SYBU: variants seen among roughly 807,000 people sequenced by gnomAD.
The protein encoded by SYBU is syntabulin.
Under a neutral mutation model 35.9 loss-of-function variants are expected in SYBU, and 21 were observed. The observed-to-expected ratio is 0.58, with a 90% CI of 0.41 to 0.84. The LOEUF (loss-of-function observed/expected upper bound fraction) is 0.84, where lower values mean the gene tolerates loss of function less well. Among genes scored for constraint, SYBU ranks in the 40% least tolerant of loss-of-function variants. The pLI is 0.00. For missense variants in SYBU, 768 were observed against 848.2 expected (o/e 0.91, Z 1.17); for synonymous variants, 319 against 324.3 (o/e 0.98, Z 0.18).
intron 1 of SYBU, among the ~76,000 whole-genome samples, chr8:109,673,714 G>A (rs903478268): frequency 6.6e-6 from 1 of 152,162 alleles, no homozygotes; most frequent in African/African-American, 2.4e-5. Context: ...GCTTCAGAAG[G>A]TGGGTAATGA....
chr8:109,677,742 G>A (rs1400128294), intron 1 of SYBU, among the ~76,000 whole-genome samples: 1 of 152,156 alleles, frequency 6.6e-6, no homozygotes, highest in Non-Finnish European at 1.5e-5. Flanking sequence ...TGAGCAAACT[G>A]GCTGGAGTGA....
chr8:109,687,796 G>A (rs1817554220), intron 1 of SYBU, among the ~76,000 whole-genome samples: 1 of 151,954 alleles, frequency 6.6e-6, no homozygotes, highest in Non-Finnish European at 1.5e-5. Context: ...TTTTTGGTTG[G>A]GTGACAGTAG....
intron 1 of SYBU, chr8:109,644,322 C>A: frequency 1.7e-6 from 1 of 576,274 alleles, no homozygotes; most frequent in South Asian, 1.7e-5. Context: ...GCGGATGCAT[C>A]AAATTCCTTT....
chr8:109,667,186 G>C (rs1466177715), intron 1 of SYBU, among the ~76,000 whole-genome samples: 1 of 151,366 alleles, frequency 6.6e-6, no homozygotes, highest in Non-Finnish European at 1.5e-5. Flanking sequence ...GTGTGATCTC[G>C]GCTCACTGAA....
At chr8:109,580,024 T>C in intron 4 of SYBU, 22 bp from the exon 5 acceptor site, 1 of 1,608,702 alleles carries the variant, frequency 6.2e-7, no homozygotes, top group South Asian at 1.1e-5. Flanking sequence ...GAATGAAAAA[T>C]GTTAAAATTC....
chr8:109,629,038 C>T (rs749405856), intron 2 of SYBU, among the ~76,000 whole-genome samples: 3 of 151,892 alleles, frequency 2.0e-5, no homozygotes, highest in Non-Finnish European at 4.4e-5. Flanking sequence ...GAAATAAGTA[C>T]AAAAAGCTCT....
At position 109,607,831 on chromosome 8, in the gene SYBU, C is replaced by CACACACAT. The variant is rs797011185; in HGVS notation, c.427+11010_427+11011insATGTGTGT. The CACACACAT allele has an allele frequency of 6.4e-4, 487 of 760,544 alleles. 3 individuals are homozygous for CACACACAT. The South Asian group carries it at 7.8e-3, about 12-fold the overall frequency. The allele number at this position is 760,544 out of a possible 1,614,324, so 47.1% of individuals were successfully genotyped here. A position where few individuals can be genotyped will look rare whatever the true frequency, so the allele number is the denominator to read the frequency against. On this transcript the variant is annotated intron_variant, in intron 3 of 6. Transcript: ENST00000276646. ...ACTCACACACACACACACACACACA[C>CACACACAT]ACACACACACACACACACACACAGT...
chr8:109,681,656 T>C (rs578061978), upstream of SYBU, among the ~76,000 whole-genome samples: 159 of 152,278 alleles, frequency 1.0e-3, no homozygotes, highest in Middle Eastern at 3.4e-3. Flanking sequence ...GGAAAAAATA[T>C]TCTGGAGCAA....
intron 2 of SYBU, among the ~76,000 whole-genome samples, chr8:109,621,088 C>A (rs1017000781): frequency 6.6e-6 from 1 of 152,168 alleles, no homozygotes; most frequent in African/African-American, 2.4e-5. Context: ...AAATAAAAAT[C>A]TGTGCTTCAG....
chr8:109,684,130 G>A (rs572975846), upstream of SYBU, among the ~76,000 whole-genome samples: 17 of 152,216 alleles, frequency 1.1e-4, no homozygotes, highest in South Asian at 1.2e-3. Context: ...ATTGTCTTTG[G>A]TGTTTTCCAA....
At chr8:109,617,369 G>T (rs1213640246) in intron 3 of SYBU, among the ~76,000 whole-genome samples, 1 of 152,114 alleles carries the variant, frequency 6.6e-6, no homozygotes, top group African/African-American at 2.4e-5. Flanking sequence ...TTTCTTTTTG[G>T]GAGTGATACA....
chr8:109,578,221 G>C (rs547056217), intron 5 of SYBU, among the ~76,000 whole-genome samples: 8 of 152,100 alleles, frequency 5.3e-5, no homozygotes, highest in Non-Finnish European at 1.2e-4. Flanking sequence ...TGGGATTAAT[G>C]CTCTTATAAA....
At chr8:109,577,700 T>C (rs528048806) in intron 6 of SYBU, among the ~76,000 whole-genome samples, 168 bp downstream of exon 6, 1 of 152,298 alleles carries the variant, frequency 6.6e-6, no homozygotes, top group South Asian at 2.1e-4. Context: ...AACAGCCATA[T>C]CACACAGAGT....
chr8:109,619,334 G>A lies in SYBU; in HGVS notation c.230-295C>T, dbSNP rs532599171. On this transcript the variant is annotated intron_variant, in intron 2 of 6. Coordinates refer to ENST00000276646, the MANE Select transcript of SYBU (RefSeq NM_001099754.2). ...CACATCCCAGGTTCAAGCAATTCTCGTGCCTCAGCCTCCCAAGTAGCTGGG... is the reference window on the plus strand; with the variant it reads ...CACATCCCAGGTTCAAGCAATTCTCATGCCTCAGCCTCCCAAGTAGCTGGG... 8.6e-5 allele frequency among the ~76,000 whole-genome samples: 13 copies of A among 151,288 alleles called. 1 individual carries two copies. The East Asian group carries it at 9.7e-4, about 11-fold the overall frequency.
rs1194556461 is a variant in SYBU, at chr8:109,644,685, C to G, written c.-26G>C. 1.3e-6 allele frequency: 2 copies of G among 1,505,184 alleles called. No homozygotes were observed. The highest frequency in any genetic ancestry group is 1.8e-6 in the Non-Finnish European group (2 of 1,134,466). The allele number at this position is 1,505,184 out of a possible 1,614,324, so 93.2% of individuals were successfully genotyped here. A position where few individuals can be genotyped will look rare whatever the true frequency, so the allele number is the denominator to read the frequency against. On this transcript the variant is annotated 5_prime_UTR_variant, in exon 1 of 7. Transcript: ENST00000276646. ...CGCGCCGCTGCCCGCCGGCTCCTCG[C>G]GCCGCCGCTGCCGCCGTCCAGGAGG... is the stretch of plus-strand genomic sequence containing the variant.
rs1002643686 is a variant in SYBU at position 109,585,800 on chromosome 8, G to A, written c.530+260C>T. 7 of 481,610 alleles carry A rather than the reference G, an allele frequency of 1.5e-5. No homozygotes were observed. The East Asian group carries it at 2.7e-4, about 18-fold the overall frequency. The allele number at this position is 481,610 out of a possible 1,614,324, so 29.8% of individuals were successfully genotyped here. A position where few individuals can be genotyped will look rare whatever the true frequency, so the allele number is the denominator to read the frequency against. ...ACAGGTGAGTAAGGGAAAGAGAGAAGGGACAGGAGGAGTGGGCATAGAGTC... is the reference window on the plus strand; with the variant it reads ...ACAGGTGAGTAAGGGAAAGAGAGAAAGGACAGGAGGAGTGGGCATAGAGTC... On this transcript the variant is annotated intron_variant, in intron 4 of 6. Transcript: ENST00000276646.
chr8:109,633,423 G>A (rs549887571), intron 2 of SYBU, among the ~76,000 whole-genome samples: 31 of 152,334 alleles, frequency 2.0e-4, no homozygotes, highest in South Asian at 4.1e-4. Context: ...TGATCTCAAC[G>A]ATAGCATAGC....
chr8:109,681,933 C>T (rs899548871), upstream of SYBU, among the ~76,000 whole-genome samples: 1 of 152,038 alleles, frequency 6.6e-6, no homozygotes, highest in African/African-American at 2.4e-5. Context: ...TAAGGGGTTT[C>T]TCCCCTTTTT....
rs1822557381 is a variant in SYBU, at chr8:109,578,033, TAATGA to T, written c.735-21_735-17del. ...TCCAGAACGCCTGAAACAATCCAAG[TAATGA>T]AATGTTACTTTTTGCCGTTTCCTTT... On this transcript the variant is annotated splice_polypyrimidine_tract_variant and intron_variant, in intron 5 of 6. Transcript: ENST00000276646. The T allele has an allele frequency of 1.3e-6, 2 of 1,595,982 alleles. No homozygotes were observed. The highest frequency in any genetic ancestry group is 1.7e-6 in the Non-Finnish European group (2 of 1,171,872).
Sources: allele counts gnomAD v4.1 joint callset (sites outside exome capture counted in the v4.1 genomes callset), GRCh38; gene constraint gnomAD v4.1.1; transcripts MANE v1.5; gene names NCBI Gene and HGNC (gene_info 2026-07-23, HGNC 2026-07-21).